HIPK2: variants seen among roughly 807,000 people sequenced by gnomAD.
The protein encoded by HIPK2 is homeodomain-interacting protein kinase 2.
Under a neutral mutation model 113.7 loss-of-function variants are expected in HIPK2, and 27 were observed. That is an observed-to-expected ratio of 0.24 (90% CI 0.17 to 0.33). The LOEUF (loss-of-function observed/expected upper bound fraction) is 0.33. Among genes scored for constraint, HIPK2 ranks in the 10% least tolerant of loss-of-function variants. The probability of loss-of-function intolerance (pLI) is 1.00; values close to 1 mark genes in which losing one functional copy is unlikely to be tolerated. For missense variants in HIPK2, 1,257 were observed against 1,588.0 expected, an observed-to-expected ratio of 0.79 and a Z score of 3.54; for synonymous variants, 631 against 642.2, an observed-to-expected ratio of 0.98 and a Z score of 0.26.
intron 1 of HIPK2, among the ~76,000 whole-genome samples, chr7:139,731,847 G>A (rs991938847): frequency 6.6e-6 from 1 of 152,138 alleles, no homozygotes; most frequent in Non-Finnish European, 1.5e-5. Context: ...CAACTGTTTT[G>A]TTCCTTGGAG....
At chr7:139,761,587 A>G (rs983897066) in intron 1 of HIPK2, among the ~76,000 whole-genome samples, 1 of 152,238 alleles carries the variant, frequency 6.6e-6, no homozygotes, top group African/African-American at 2.4e-5. Flanking sequence ...ACACTCTAGC[A>G]GGTCAGAGGT....
rs1798593522 is a variant in HIPK2, at chr7:139,579,371, T to G, written c.2966-4083A>C. On this transcript the variant is annotated intron_variant, in intron 13 of 14. Transcript: ENST00000406875. ...GGTGAACTGGAAGGCTCATACTGTC[T>G]CAATGAAGTATCCTATGGGTGGTTA... 2.0e-5 allele frequency among the ~76,000 whole-genome samples: 3 copies of G among 152,210 alleles called. No homozygotes were observed. In the South Asian group the frequency reaches 6.2e-4, roughly 31 times the overall value.
At chr7:139,640,237 AAG>A (rs1585313260) in intron 2 of HIPK2, among the ~76,000 whole-genome samples, 1 of 152,230 alleles carries the variant, frequency 6.6e-6, no homozygotes, top group Non-Finnish European at 1.5e-5. Flanking sequence ...TTTCTAAAGA[AAG>A]AGGAAAAACA....
At chr7:139,675,854 T>C (rs1308422911) in intron 2 of HIPK2, among the ~76,000 whole-genome samples, 1 of 152,158 alleles carries the variant, frequency 6.6e-6, no homozygotes, top group African/African-American at 2.4e-5. Context: ...AGACTCAAAA[T>C]GATGCTCTTT....
chr7:139,666,247 C>A (rs1469144566), intron 2 of HIPK2, among the ~76,000 whole-genome samples: 1 of 152,074 alleles, frequency 6.6e-6, no homozygotes, highest in Non-Finnish European at 1.5e-5. Context: ...AAAAAAAAAT[C>A]ACAGTTTAAA....
At position 139,604,118 on chromosome 7, in the gene HIPK2, C is replaced by T. The variant is rs1346864204; in HGVS notation, c.2218G>A (p.Glu740Lys). 10 of 1,613,948 alleles carry T rather than the reference C, an allele frequency of 6.2e-6. No individual in the cohort carries two copies. The highest frequency in any genetic ancestry group is 1.3e-5 in the African/African-American group (1 of 75,036). Residue 740 changes from glutamate to lysine, a missense_variant, in exon 10 of 15, where the codon GAG (glutamate) becomes AAG (lysine). By Grantham distance (56) the Glu-to-Lys change is moderately conservative. Coordinates refer to ENST00000406875, the MANE Select transcript of HIPK2 (RefSeq NM_022740.5). ...AGCTGCTGGGTGCCTGCCATGGTCT[C>T]GGGAATCACGGTGGCATGCTGCACT... The part of the protein sequence containing the change: ...TSVQHATVIP[E>K]TMAGTQQLAD...
Position 139,747,556 on chromosome 7 carries a change from C to T in HIPK2, c.19+30049G>A, listed in dbSNP as rs558257889. Among the ~76,000 whole-genome samples, 6 of 152,356 alleles carry T rather than the reference C, an allele frequency of 3.9e-5. No individual in the cohort carries two copies. The East Asian group carries it at 1.2e-3, about 29-fold the overall frequency. ...AGATACTTTGGGATCAGAGAAGGAA[C>T]GGCAGACAAAGCCTCACATTAAGCA... On this transcript the variant is annotated intron_variant, in intron 1 of 14. Coordinates refer to ENST00000406875, the MANE Select transcript of HIPK2 (RefSeq NM_022740.5).
At chr7:139,729,118 G>T (rs1303926545) in intron 1 of HIPK2, among the ~76,000 whole-genome samples, 1 of 152,108 alleles carries the variant, frequency 6.6e-6, no homozygotes, top group East Asian at 1.9e-4. Flanking sequence ...GAGCCCAGAA[G>T]TTCAAGACCA....
At chr7:139,740,031 C>T (rs180922601) in intron 1 of HIPK2, among the ~76,000 whole-genome samples, 3 of 152,214 alleles carry the variant, frequency 2.0e-5, no homozygotes, top group East Asian at 3.9e-4. Context: ...TTATTCCTCT[C>T]GGGTACATAC....
intron 12 of HIPK2, among the ~76,000 whole-genome samples, chr7:139,594,646 T>C (rs368232870): frequency 3.4e-4 from 52 of 152,338 alleles, no homozygotes; most frequent in African/African-American, 1.2e-3. Flanking sequence ...AAAACATTAT[T>C]CTGGGAGCTC....
intron 1 of HIPK2, among the ~76,000 whole-genome samples, chr7:139,770,371 T>C (rs1796628509): frequency 6.6e-6 from 1 of 152,190 alleles, no homozygotes; most frequent in African/African-American, 2.4e-5. Context: ...CCATTAAAAT[T>C]TGCTTCCTTA....
At chr7:139,669,690 T>TACTAAAGCACAGAATGTCAGATACTTC (rs1569469905) in intron 2 of HIPK2, among the ~76,000 whole-genome samples, 1 of 152,120 alleles carries the variant, frequency 6.6e-6, no homozygotes, top group Non-Finnish European at 1.5e-5. Flanking sequence ...AAATAAAACG[T>TACTAAAGCACAGAATGTCAGATACTTC]ACTAAAGCAC....
At position 139,630,372 on chromosome 7, in the gene HIPK2, T is replaced by C. The variant is rs960926640; in HGVS notation, c.1347+793A>G. Among the ~76,000 whole-genome samples, 1 of 151,940 alleles carries C rather than the reference T, an allele frequency of 6.6e-6. No individual in the cohort carries two copies. The highest frequency in any genetic ancestry group is 1.5e-5 in the Non-Finnish European group (1 of 67,968). On this transcript the variant is annotated intron_variant, in intron 4 of 14. Transcript: ENST00000406875. The surrounding 1 kb of genome is among the most constrained non-coding windows in gnomAD (Gnocchi z 4.0). ...CATCACCCCAGCCGCCACCCCACAC[T>C]TCTATACTGGGCAAACCCGCTTCAT...
rs747310266 is a variant in HIPK2 at position 139,773,204 on chromosome 7, G to A, written c.19+4401C>T. Among the ~76,000 whole-genome samples the A allele has an allele frequency of 5.3e-4, 81 of 152,282 alleles. 1 individual carries two copies. The highest frequency in any genetic ancestry group is 1.9e-3 in the African/African-American group (78 of 41,542). Reference sequence around the variant, plus strand: ...TTCATGTGGGTGAAGGGCGCAGGGCGGTGCACAGCACAAAGTCAATATGGC... The same window carrying A: ...TTCATGTGGGTGAAGGGCGCAGGGCAGTGCACAGCACAAAGTCAATATGGC... On this transcript the variant is annotated intron_variant, in intron 1 of 14. Transcript: ENST00000406875.
intron 1 of HIPK2, among the ~76,000 whole-genome samples, chr7:139,735,144 C>A (rs1338604627): frequency 6.6e-6 from 1 of 152,160 alleles, no homozygotes; most frequent in Non-Finnish European, 1.5e-5. Flanking sequence ...CATGCAGGTT[C>A]TTTAAGAGAA....
intron 2 of HIPK2, among the ~76,000 whole-genome samples, chr7:139,643,951 G>A (rs1801120099): frequency 6.6e-6 from 1 of 152,132 alleles, no homozygotes; most frequent in Admixed American, 6.5e-5. Context: ...GCTCTGCGTT[G>A]CTGGAGAAAG....
chr7:139,584,156 G>T, intron 12 of HIPK2, 92 bp from the exon 13 acceptor site: 1 of 1,493,880 alleles, frequency 6.7e-7, no homozygotes, highest in Non-Finnish European at 9.0e-7. Context: ...GGGGAGGGAG[G>T]CAGAGGGGAG....
At chr7:139,731,632 C>A (rs1362397042) in intron 1 of HIPK2, among the ~76,000 whole-genome samples, 1 of 152,228 alleles carries the variant, frequency 6.6e-6, no homozygotes, top group Non-Finnish European at 1.5e-5. Flanking sequence ...ATTTCTCTCA[C>A]AGGCTGTTCT....
chr7:139,669,819 T>C (rs1298006597), intron 2 of HIPK2, among the ~76,000 whole-genome samples: 2 of 152,130 alleles, frequency 1.3e-5, no homozygotes, highest in African/African-American at 4.8e-5. Context: ...TTTTAGGAAA[T>C]TAATTAAATA....
Sources: gnomAD v4.1 joint callset for allele counts (sites outside exome capture counted in the v4.1 genomes callset) on GRCh38, gnomAD v4.1.1 for gene constraint, Gnocchi (gnomAD v3.1) non-coding constraint, MANE v1.5 for transcripts, NCBI Gene and HGNC (gene_info 2026-07-23, HGNC 2026-07-21) for gene names.